PHF20L1: variants seen among roughly 807,000 people sequenced by gnomAD.
PHF20L1 encodes PHD finger protein 20-like protein 1.
In PHF20L1, 44 loss-of-function variants were observed where a neutral mutation model predicts 125.5. The observed-to-expected ratio is 0.35, with a 90% CI of 0.28 to 0.45. PHF20L1 has a LOEUF of 0.45. Ranked by LOEUF, PHF20L1 falls within the 20% of genes least tolerant of loss-of-function variation. The pLI is 1.00. For missense variants in PHF20L1, 1,012 were observed against 1,217.2 expected (o/e 0.83, Z 2.51); for synonymous variants, 380 against 403.1 (o/e 0.94, Z 0.69).
In PHF20L1 at chr8:132,814,956, GTTATA is replaced by G; in HGVS notation, c.1183+70_1183+74del. 3.3e-6 allele frequency: 4 copies of G among 1,210,260 alleles called. No homozygotes were observed. In the South Asian group the frequency reaches 5.0e-5, roughly 15 times the overall value. The allele number at this position is 1,210,260 out of a possible 1,614,324, so 75.0% of individuals were successfully genotyped here. ...ATACATTAAAAACAGTTTGATTGTAGTTATATTGTATTTTTATGAAGTTGCTTTTT... is the reference window on the plus strand; with the variant it reads ...ATACATTAAAAACAGTTTGATTGTAGTTGTATTTTTATGAAGTTGCTTTTT... On this transcript the variant is annotated intron_variant, in intron 10 of 20. Transcript: ENST00000395386.
At chr8:132,804,570 T>C (rs2131571001) in intron 7 of PHF20L1, 45 bp from the exon 8 acceptor site, 1 of 1,501,038 alleles carries the variant, frequency 6.7e-7, no homozygotes, top group Non-Finnish European at 9.1e-7. Flanking sequence ...GTGTTTTAAT[T>C]TGGATTCTAG....
intron 7 of PHF20L1, 68 bp downstream of exon 7, chr8:132,804,100 T>C (rs1833408747): frequency 2.0e-6 from 2 of 1,009,414 alleles, no homozygotes; most frequent in Non-Finnish European, 3.0e-6. Flanking sequence ...GTCAAATCCC[T>C]TGGCTTCCTT....
chr8:132,805,088 T>C (rs1833529126), intron 8 of PHF20L1, among the ~76,000 whole-genome samples: 1 of 151,962 alleles, frequency 6.6e-6, no homozygotes, highest in Admixed American at 6.6e-5. Context: ...TCTCAGATTT[T>C]AAATTTTTTT....
At chr8:132,784,772 C>T (rs1830822892) in intron 2 of PHF20L1, among the ~76,000 whole-genome samples, 2 of 152,268 alleles carry the variant, frequency 1.3e-5, no homozygotes, top group Middle Eastern at 6.8e-3. Flanking sequence ...TAAAGCTTTG[C>T]GCCTCAGTTA....
intron 18 of PHF20L1, 54 bp from the exon 19 acceptor site, chr8:132,842,461 G>C (rs1838027713): frequency 3.4e-6 from 5 of 1,452,414 alleles, no homozygotes; most frequent in East Asian, 4.6e-5. Context: ...TATTCAGCTT[G>C]TTAATAGATT....
At chr8:132,784,809 C>A (rs1332993125) in intron 2 of PHF20L1, among the ~76,000 whole-genome samples, 1 of 152,180 alleles carries the variant, frequency 6.6e-6, no homozygotes, top group Non-Finnish European at 1.5e-5. Flanking sequence ...GTTCACGGGC[C>A]ACCGTAGTTT....
chr8:132,784,342 T>G (rs1363699191), intron 2 of PHF20L1, among the ~76,000 whole-genome samples: 1 of 152,220 alleles, frequency 6.6e-6, no homozygotes, highest in Non-Finnish European at 1.5e-5. Flanking sequence ...AAATATGGAT[T>G]TTAAGTGCTA....
At chr8:132,799,928 T>G (rs1266249703) in intron 6 of PHF20L1, 2 of 151,914 alleles carry the variant, frequency 1.3e-5, no homozygotes, top group Non-Finnish European at 2.9e-5. Flanking sequence ...TTCCCACATG[T>G]ATGTATAAAT....
At chr8:132,817,614 C>CCTCAAAATGTTTAT in intron 12 of PHF20L1, 69 bp downstream of exon 12, 1 of 1,046,552 alleles carries the variant, frequency 9.6e-7, no homozygotes, top group Non-Finnish European at 1.4e-6. Context: ...TAGGTATAAA[C>CCTCAAAATGTTTAT]ATTTTGAGGT....
chr8:132,840,229 T>A (rs1481184396), intron 18 of PHF20L1, among the ~76,000 whole-genome samples: 6 of 152,152 alleles, frequency 3.9e-5, no homozygotes, highest in Non-Finnish European at 8.8e-5. Context: ...TTTCTTCATT[T>A]GGATGCACTT....
At position 132,794,734 on chromosome 8, in the gene PHF20L1, A is replaced by C; in HGVS notation, c.257A>C (p.Asp86Ala). 1.9e-6 allele frequency: 3 copies of C among 1,610,700 alleles called. No homozygotes were observed. The highest frequency in any genetic ancestry group is 2.5e-6 in the Non-Finnish European group (3 of 1,177,650). Residue 86 changes from aspartate (D) to alanine (A), a missense_variant and splice_region_variant, in exon 4 of 21, where the codon GAT (aspartate) becomes GCT (alanine). Physicochemically the swap from Asp to Ala is moderately radical, Grantham distance 126. Coordinates refer to ENST00000395386, the MANE Select transcript of PHF20L1 (RefSeq NM_016018.5). Reference protein sequence around the residue: ...EGLKDEEDFFDFKAGEEVLAR... With the variant: ...EGLKDEEDFFAFKAGEEVLAR... ...GATCTTAAAAGTTGTTTAAAATAGG[A>C]TTTTAAAGCTGGAGAAGAAGTTCTG...
intron 2 of PHF20L1, among the ~76,000 whole-genome samples, chr8:132,782,421 T>C (rs541560504): frequency 9.5e-4 from 144 of 152,268 alleles, no homozygotes; most frequent in African/African-American, 3.2e-3. Flanking sequence ...TCATAAAGCA[T>C]TGAGGTAAAT....
chr8:132,798,653 A>ATTTG (rs1832692542), intron 4 of PHF20L1, 119 bp from the exon 5 acceptor site: 1 of 586,534 alleles, frequency 1.7e-6, no homozygotes, highest in Non-Finnish European at 3.0e-6. Context: ...TAACAGGAGC[A>ATTTG]TTTGTAGTTT....
At chr8:132,792,435 TCTC>T (rs1831838652) in intron 2 of PHF20L1, among the ~76,000 whole-genome samples, 5 of 152,270 alleles carry the variant, frequency 3.3e-5, no homozygotes, top group Non-Finnish European at 5.9e-5. Context: ...AGTATGTTAA[TCTC>T]CTAAGTTTTC....
chr8:132,791,362 T>A (rs2131415481), intron 2 of PHF20L1, among the ~76,000 whole-genome samples: 1 of 149,896 alleles, frequency 6.7e-6, no homozygotes, highest in South Asian at 2.2e-4. Flanking sequence ...CAAGCGATTC[T>A]CCTGCCTCAG....
chr8:132,790,398 G>A (rs1046931866), intron 2 of PHF20L1, among the ~76,000 whole-genome samples: 7 of 152,096 alleles, frequency 4.6e-5, no homozygotes, highest in Admixed American at 6.5e-5. Flanking sequence ...TCGATATTAC[G>A]ATTTTTTTCC....
intron 1 of PHF20L1, among the ~76,000 whole-genome samples, chr8:132,777,058 A>G (rs952960785): frequency 1.3e-5 from 2 of 152,218 alleles, no homozygotes; most frequent in Non-Finnish European, 2.9e-5. Flanking sequence ...TTTATTATCA[A>G]TGTGGACACT....
chr8:132,811,720 C>T, intron 9 of PHF20L1: 1 of 985,246 alleles, frequency 1.0e-6, no homozygotes, highest in Non-Finnish European at 1.2e-6. Context: ...TTCAGATTCC[C>T]ACAATACTTG....
At chr8:132,791,690 G>A (rs892880532) in intron 2 of PHF20L1, among the ~76,000 whole-genome samples, 3 of 152,128 alleles carry the variant, frequency 2.0e-5, no homozygotes, top group African/African-American at 4.8e-5. Flanking sequence ...ACACCTTTAA[G>A]ATTCAAAATT....
Sources: gnomAD v4.1 joint callset for allele counts (sites outside exome capture counted in the v4.1 genomes callset) on GRCh38, gnomAD v4.1.1 for gene constraint, MANE v1.5 for transcripts, NCBI Gene and HGNC (gene_info 2026-07-23, HGNC 2026-07-21) for gene names.